The following CCT2 variants were observed in gnomAD, a reference collection of about 807,000 sequenced individuals.
CCT2 encodes chaperonin containing TCP1 subunit 2.
CCT2 carries 18 observed loss-of-function variants against 61.8 expected under a neutral mutation model. The ratio of observed to expected loss-of-function variants is 0.29; its 90% CI spans 0.20 to 0.43. CCT2 has a LOEUF of 0.43. CCT2 is among the 20% of genes least tolerant of loss of function. The pLI is 1.00. For synonymous variants in CCT2, 248 were observed against 215.9 expected (o/e 1.15, Z -1.30); for missense variants, 556 against 656.9 (o/e 0.85, Z 1.68).
At chr12:69,599,155 T>A (rs1882078973) in intron 14 of CCT2, among the ~76,000 whole-genome samples, 1 of 151,862 alleles carries the variant, frequency 6.6e-6, no homozygotes, top group African/African-American at 2.4e-5. Flanking sequence ...GGCACCATGA[T>A]AATTCACTGC....
rs756455521 is a variant in CCT2 at position 69,598,022 on chromosome 12, C to G, written c.1286C>G (p.Pro429Arg). ...HAVTQLANRT[P>R]GKEAVAMESY... ...GTGACACAGCTTGCCAATAGAACAC[C>G]AGGCAAAGAAGCTGTTGCAATGGAG... Residue 429 changes from proline to arginine, a missense_variant, in exon 13 of 16, where the codon CCA (proline) becomes CGA (arginine). Physicochemically the swap from Pro to Arg is moderately radical, Grantham distance 103. Around this residue, in one of 3 missense-constraint regions of CCT2, gnomAD observed 225 missense variants for 249.8 expected, o/e 0.90. Transcript: ENST00000299300. The G allele has an allele frequency of 1.2e-6, 2 of 1,613,896 alleles. No homozygotes were observed. Among genetic ancestry groups the G allele is most frequent in the Non-Finnish European group, 1.7e-6 (2 of 1,179,866 alleles).
chr12:69,597,552 G>A lies in CCT2; in HGVS notation c.1103-86G>A, dbSNP rs1268059066. 5.0e-6 allele frequency: 7 copies of A among 1,388,158 alleles called. No homozygotes were observed. In the East Asian group the frequency reaches 1.6e-4, roughly 32 times the overall value. 86.0% of individuals were successfully genotyped at this position (1,388,158 alleles called of 1,614,324 possible). A position where few individuals can be genotyped will look rare whatever the true frequency, so the allele number is the denominator to read the frequency against. ...ATACAGGAAGACAGGTCAGCTTTCA[G>A]AACCCAGTAATATAACCAACACCGG... On this transcript the variant is annotated intron_variant, in intron 11 of 15. Transcript: ENST00000299300.
intron 6 of CCT2, 181 bp from the exon 7 acceptor site, chr12:69,589,304 A>G (rs775147013): frequency 5.2e-5 from 30 of 581,398 alleles, no homozygotes; most frequent in East Asian, 2.9e-4. Flanking sequence ...GCATTTTGCC[A>G]GTTTGGTGGG....
rs2135848987 is a variant in CCT2, at chr12:69,586,798, A to T, written c.124A>T (p.Thr42Ser). The stretch of plus-strand genomic sequence containing the variant: ...CGCCATTGGAGACTTGGTAAAGAGC[A>T]CCTTGGGACCCAAAGGCATGGTAAG... ...AIAIGDLVKS[T>S]LGPKGMDKIL... The change falls in exon 3 of 16, where the codon ACC becomes TCC. Residue 42 changes from threonine to serine, a missense_variant. Thr to Ser is a moderately conservative substitution (Grantham distance 58). This residue lies in a region of CCT2 where 308 missense variants were observed against 350.6 expected (regional missense o/e 0.88). Coordinates refer to ENST00000299300, the MANE Select transcript of CCT2 (RefSeq NM_006431.3). 1 of 1,595,858 alleles carries T rather than the reference A, an allele frequency of 6.3e-7. No individual in the cohort carries two copies.
intron 10 of CCT2, among the ~76,000 whole-genome samples, chr12:69,594,466 C>A (rs180801865): frequency 1.1e-4 from 17 of 152,138 alleles, no homozygotes; most frequent in Non-Finnish European, 2.5e-4. Flanking sequence ...AATTAGTATA[C>A]CTCAATACCC....
chr12:69,594,118 G>A (rs918450601), intron 10 of CCT2, among the ~76,000 whole-genome samples: 4 of 150,740 alleles, frequency 2.7e-5, no homozygotes, highest in East Asian at 1.9e-4. Context: ...CAGCCTTGGC[G>A]ACACAGTGAG....
rs756985014 is a variant in CCT2, at chr12:69,589,471, T to C, written c.447-14T>C. 1 of 1,603,652 alleles carries C rather than the reference T, an allele frequency of 6.2e-7. No homozygotes were observed. Among genetic ancestry groups the C allele is most frequent in the Admixed American group, 1.7e-5 (1 of 59,960 alleles). Reference sequence around the variant, plus strand: ...AAGTAGGGTTAATATGTATATTTGGTTGGTTTTATTTAGTTCCGATGAAGT... The same window carrying C: ...AAGTAGGGTTAATATGTATATTTGGCTGGTTTTATTTAGTTCCGATGAAGT... On this transcript the variant is annotated splice_polypyrimidine_tract_variant and intron_variant, in intron 6 of 15. Coordinates refer to ENST00000299300, the MANE Select transcript of CCT2 (RefSeq NM_006431.3).
At chr12:69,593,453 A>G in intron 9 of CCT2, 57 bp from the exon 10 acceptor site, 1 of 1,127,778 alleles carries the variant, frequency 8.9e-7, no homozygotes, top group Non-Finnish European at 1.3e-6. Context: ...TTTTAGTCTA[A>G]TGTAGTTTAT....
rs373614293 is a variant in CCT2, at chr12:69,589,487, C to G, written c.449C>G (p.Ser150Cys). ...TATATTTGGTTGGTTTTATTTAGTT[C>G]CGATGAAGTTAAATTCCGTCAAGAT... ...ALLSSAVDHG[S>C]DEVKFRQDLM... The change falls in exon 7 of 16, where the codon TCC becomes TGC. Residue 150 changes from serine (S) to cysteine (C), a missense_variant and splice_region_variant. Physicochemically the swap from Ser to Cys is moderately radical, Grantham distance 112 (BLOSUM62 -1). This residue lies in a region of CCT2 where 308 missense variants were observed against 350.6 expected (regional missense o/e 0.88). Coordinates refer to ENST00000299300, the MANE Select transcript of CCT2 (RefSeq NM_006431.3). 1.2e-6 allele frequency: 2 copies of G among 1,613,058 alleles called. No individual in the cohort carries two copies. The highest frequency in any genetic ancestry group is 8.5e-7 in the Non-Finnish European group (1 of 1,179,180).
In CCT2 at chr12:69,585,470, C is replaced by T; in HGVS notation, c.-52C>T. On this transcript the variant is annotated 5_prime_UTR_variant, in exon 1 of 16. Coordinates refer to ENST00000299300, the MANE Select transcript of CCT2 (RefSeq NM_006431.3). Reference sequence around the variant, plus strand: ...TTCCGGCTTCCTTCAGTCCGCTGGTCCCGAGCACGAGCTGTGAGGGGATTC... The same window carrying T: ...TTCCGGCTTCCTTCAGTCCGCTGGTTCCGAGCACGAGCTGTGAGGGGATTC... 4 of 1,553,460 alleles carry T rather than the reference C, an allele frequency of 2.6e-6. No individual in the cohort carries two copies. Among genetic ancestry groups the T allele is most frequent in the Non-Finnish European group, 3.5e-6 (4 of 1,147,300 alleles).
intron 15 of CCT2, among the ~76,000 whole-genome samples, chr12:69,600,280 T>G (rs1431433280): frequency 5.3e-5 from 8 of 152,176 alleles, no homozygotes; most frequent in Middle Eastern, 3.2e-3. Flanking sequence ...CTGTGATGCT[T>G]TCTATTGTCT....
At chr12:69,586,888 C>A in intron 3 of CCT2, 70 bp downstream of exon 3, 1 of 918,660 alleles carries the variant, frequency 1.1e-6, no homozygotes, top group Non-Finnish European at 1.7e-6. Flanking sequence ...TAATAACAAG[C>A]GTATTAAAAT....
chr12:69,592,013 C>A, intron 7 of CCT2, 46 bp from the exon 8 acceptor site: 1 of 1,055,334 alleles, frequency 9.5e-7, no homozygotes, highest in Non-Finnish European at 1.5e-6. Flanking sequence ...TTTACTAAGG[C>A]TGCTTTGAAG....
intron 10 of CCT2, 85 bp downstream of exon 10, chr12:69,593,698 G>T: frequency 1.3e-6 from 1 of 763,338 alleles, no homozygotes; most frequent in Non-Finnish European, 2.2e-6. Context: ...CTACCTTTAA[G>T]GAGTTTAGAA....
At chr12:69,586,013 C>A (rs747677153) in intron 1 of CCT2, 2 of 1,363,578 alleles carry the variant, frequency 1.5e-6, no homozygotes, top group Non-Finnish European at 1.9e-6. Context: ...TCTCGCTGTA[C>A]GTAACTGTCA....
intron 11 of CCT2, among the ~76,000 whole-genome samples, 164 bp downstream of exon 11, chr12:69,597,439 C>A (rs149777964): frequency 3.9e-5 from 6 of 152,138 alleles, no homozygotes; most frequent in African/African-American, 1.4e-4. Context: ...TCATATTTAC[C>A]GTGTCTTTGT....
At chr12:69,599,741 A>C in intron 14 of CCT2, 122 bp from the exon 15 acceptor site, 2 of 722,512 alleles carry the variant, frequency 2.8e-6, no homozygotes, top group South Asian at 4.7e-5. Flanking sequence ...TTATCTACCT[A>C]CTGAGTAAAG....
chr12:69,592,784 T>G (rs1346041257), intron 8 of CCT2, 192 bp from the exon 9 acceptor site: 3 of 422,672 alleles, frequency 7.1e-6, no homozygotes, highest in Non-Finnish European at 1.3e-5. Flanking sequence ...AAAAATTAGC[T>G]GGGTGTGGTG....
At chr12:69,595,438 CA>C (rs1186493035) in intron 10 of CCT2, among the ~76,000 whole-genome samples, 1 of 152,070 alleles carries the variant, frequency 6.6e-6, no homozygotes, top group Non-Finnish European at 1.5e-5. Context: ...CCTTTAATCC[CA>C]GCACTTTAGG....
Sources: allele counts gnomAD v4.1 joint callset (sites outside exome capture counted in the v4.1 genomes callset), GRCh38; gene constraint gnomAD v4.1.1; regional missense constraint gnomAD v4.1.1; transcripts MANE v1.5; gene names NCBI Gene and HGNC (gene_info 2026-07-23, HGNC 2026-07-21).